MYRIP: variants seen among roughly 807,000 people sequenced by gnomAD.
The protein encoded by MYRIP is myosin VIIA and Rab interacting protein, also known as rab effector MyRIP.
In MYRIP, 49 loss-of-function variants were observed where a neutral mutation model predicts 98.0. The ratio of observed to expected loss-of-function variants is 0.50; its 90% CI spans 0.40 to 0.63. MYRIP has a LOEUF of 0.63. MYRIP is among the 30% of genes least tolerant of loss of function. The pLI, the probability that MYRIP is intolerant of heterozygous loss-of-function variation, is 0.00. For missense variants in MYRIP, 1,004 were observed against 1,058.2 expected (o/e 0.95, Z 0.71); for synonymous variants, 404 against 409.5 (o/e 0.99, Z 0.16).
intron 3 of MYRIP, among the ~76,000 whole-genome samples, chr3:40,131,325 C>A (rs541398218): frequency 6.6e-6 from 1 of 152,236 alleles, no homozygotes; most frequent in East Asian, 1.9e-4. Context: ...TACTGTATTT[C>A]TTCTAGCCTG....
intron 2 of MYRIP, among the ~76,000 whole-genome samples, chr3:39,997,754 T>C (rs1267049885): frequency 2.0e-5 from 3 of 151,966 alleles, no homozygotes; most frequent in Non-Finnish European, 2.9e-5. Flanking sequence ...TAGACAAATA[T>C]CCCTAATGAA....
At chr3:40,151,467 T>A (rs916431773) in intron 4 of MYRIP, among the ~76,000 whole-genome samples, 23 of 152,216 alleles carry the variant, frequency 1.5e-4, no homozygotes, top group Non-Finnish European at 4.4e-5. Flanking sequence ...AGATCAAAAA[T>A]TAGGTATTCT....
intron 1 of MYRIP, among the ~76,000 whole-genome samples, chr3:39,883,695 A>G (rs1047785313): frequency 4.6e-5 from 7 of 152,098 alleles, no homozygotes; most frequent in Non-Finnish European, 8.8e-5. Flanking sequence ...AAACTTAAAT[A>G]TGTGTTTAAT....
chr3:39,976,218 T>C (rs1651610885), intron 2 of MYRIP, among the ~76,000 whole-genome samples: 1 of 151,870 alleles, frequency 6.6e-6, no homozygotes, highest in Admixed American at 6.6e-5. Flanking sequence ...AAAAACCCCA[T>C]CAACAAGTGG....
intron 1 of MYRIP, among the ~76,000 whole-genome samples, chr3:39,854,353 TC>T (rs1942222575): frequency 6.6e-6 from 1 of 152,134 alleles, no homozygotes; most frequent in African/African-American, 2.4e-5. Flanking sequence ...TATTCTTTTT[TC>T]TTTGTGTTTG....
chr3:40,176,129 C>T (rs1950751219), intron 8 of MYRIP, among the ~76,000 whole-genome samples: 1 of 152,246 alleles, frequency 6.6e-6, no homozygotes. Flanking sequence ...TGCTCCAAAA[C>T]TGTTGGTCAA....
rs754413896 is a variant in MYRIP at position 40,250,291 on chromosome 3, T to C, written c.2332T>C (p.Phe778Leu). ...ATTAAACATAGCACCATGTGTGCGC[T>C]TCACAAGAAGACGGGATCAGAAGCA... The part of the protein sequence containing the change: ...AGLNIAPCVR[F>L]TRRRDQKQRT... Residue 778 changes from phenylalanine to leucine, a missense_variant, in exon 14 of 17, where the codon TTC becomes CTC. Coordinates refer to ENST00000302541, the MANE Select transcript of MYRIP (RefSeq NM_015460.4). 2 of 1,614,052 alleles carry C rather than the reference T, an allele frequency of 1.2e-6. No individual in the cohort carries two copies. The highest frequency in any genetic ancestry group is 1.7e-6 in the Non-Finnish European group (2 of 1,180,010).
chr3:40,190,596 G>GT, intron 10 of MYRIP, 133 bp downstream of exon 10: 1 of 1,406,584 alleles, frequency 7.1e-7, no homozygotes, highest in Non-Finnish European at 9.4e-7. Flanking sequence ...TTGCAGCTAA[G>GT]TAGCTGAGTG....
chr3:39,834,332 C>A (rs928184820), intron 1 of MYRIP, among the ~76,000 whole-genome samples: 1 of 152,096 alleles, frequency 6.6e-6, no homozygotes, highest in African/African-American at 2.4e-5. Flanking sequence ...ATTCTCTGAC[C>A]AATCAAGTAA....
chr3:40,186,704 C>T (rs1951045096), intron 9 of MYRIP, among the ~76,000 whole-genome samples: 1 of 152,188 alleles, frequency 6.6e-6, no homozygotes. Context: ...AATTGGAAGT[C>T]CAGCTGGCAT....
intron 1 of MYRIP, among the ~76,000 whole-genome samples, chr3:39,834,748 A>G (rs1254911520): frequency 6.6e-6 from 1 of 152,154 alleles, no homozygotes; most frequent in Non-Finnish European, 1.5e-5. Context: ...ACAAAATGGT[A>G]ATTGCTGTTA....
chr3:40,212,579 G>C (rs1951994786), intron 11 of MYRIP, among the ~76,000 whole-genome samples: 2 of 152,022 alleles, frequency 1.3e-5, no homozygotes, highest in Admixed American at 1.3e-4. Context: ...GACCAGCCTA[G>C]GCAACACGGC....
At chr3:39,810,961 A>T (rs956615850) in intron 1 of MYRIP, among the ~76,000 whole-genome samples, 11 of 151,846 alleles carry the variant, frequency 7.2e-5, no homozygotes, top group Non-Finnish European at 1.3e-4. Flanking sequence ...CATGATCTCG[A>T]TTTGTTGATT....
At chr3:40,076,961 C>T (rs929402255) in intron 3 of MYRIP, among the ~76,000 whole-genome samples, 2 of 152,162 alleles carry the variant, frequency 1.3e-5, no homozygotes, top group Non-Finnish European at 2.9e-5. Context: ...CATATGACAG[C>T]TTACCATGTA....
intron 2 of MYRIP, among the ~76,000 whole-genome samples, chr3:40,006,328 G>T (rs1015778463): frequency 9.9e-5 from 15 of 152,190 alleles, no homozygotes; most frequent in African/African-American, 3.6e-4. Context: ...GGCAGAGCTT[G>T]CAGTAAGCCG....
intron 1 of MYRIP, among the ~76,000 whole-genome samples, chr3:39,876,450 A>G (rs1942998623): frequency 6.6e-6 from 1 of 152,078 alleles, no homozygotes; most frequent in Non-Finnish European, 1.5e-5. Flanking sequence ...TGGTCTTTAC[A>G]TTTTGGCATG....
chr3:39,883,276 C>A (rs1393446935), intron 1 of MYRIP, among the ~76,000 whole-genome samples: 2 of 152,222 alleles, frequency 1.3e-5, no homozygotes, highest in East Asian at 3.9e-4. Context: ...TGTGCAGGAA[C>A]TGCAGCTTAG....
intron 1 of MYRIP, among the ~76,000 whole-genome samples, chr3:39,835,426 A>G (rs1357887316): frequency 6.6e-6 from 1 of 152,168 alleles, no homozygotes; most frequent in Non-Finnish European, 1.5e-5. Context: ...GCAGATTTTT[A>G]TCCCTCAATC....
Position 40,167,156 on chromosome 3 carries a change from C to G in MYRIP, c.649-3C>G, listed in dbSNP as rs1950517493. Reference sequence around the variant, plus strand: ...GCACACAGCCATTCTCTTCCCTCCTCAGGACAAGCAAAATGAGGCCAGTTA... The same window carrying G: ...GCACACAGCCATTCTCTTCCCTCCTGAGGACAAGCAAAATGAGGCCAGTTA... On this transcript the variant is annotated splice_polypyrimidine_tract_variant and splice_region_variant and intron_variant, in intron 6 of 16. Transcript: ENST00000302541. The G allele has an allele frequency of 6.2e-7, 1 of 1,613,986 alleles. No individual in the cohort carries two copies. Among genetic ancestry groups the G allele is most frequent in the Non-Finnish European group, 8.5e-7 (1 of 1,179,980 alleles).
Sources: allele counts gnomAD v4.1 joint callset (sites outside exome capture counted in the v4.1 genomes callset), GRCh38; gene constraint gnomAD v4.1.1; transcripts MANE v1.5; gene names NCBI Gene and HGNC (gene_info 2026-07-23, HGNC 2026-07-21).